The following SLC44A5 variants were observed in gnomAD, a reference collection of about 807,000 sequenced individuals.
SLC44A5 encodes choline transporter-like protein 5.
In SLC44A5, 57 loss-of-function variants were observed where a neutral mutation model predicts 101.8. The observed-to-expected ratio is 0.56, with a 90% CI of 0.45 to 0.70. The LOEUF is 0.70. Ranked by LOEUF, SLC44A5 falls within the 30% of genes least tolerant of loss-of-function variation. The probability of loss-of-function intolerance (pLI) is 0.00; values close to 1 mark genes in which losing one functional copy is unlikely to be tolerated. For missense variants in SLC44A5, 737 were observed against 853.1 expected (o/e 0.86, Z 1.70); for synonymous variants, 281 against 290.9 (o/e 0.97, Z 0.35).
intron 11 of SLC44A5, among the ~76,000 whole-genome samples, chr1:75,235,554 G>C (rs60198223): frequency 0.28 from 42,837 of 151,870 alleles, 6,357 homozygotes; most frequent in Middle Eastern, 0.36. Context: ...TACAATCTCT[G>C]CTGGAGATAA....
intron 2 of SLC44A5, among the ~76,000 whole-genome samples, chr1:75,415,734 G>A (rs540162935): frequency 1.1e-4 from 16 of 152,248 alleles, no homozygotes; most frequent in Admixed American, 3.3e-4. Context: ...GGCTGAAGTG[G>A]TCTCAGATGG....
At chr1:75,214,456 G>A (rs1646921287) in intron 20 of SLC44A5, 149 bp downstream of exon 20, 2 of 593,088 alleles carry the variant, frequency 3.4e-6, no homozygotes, top group South Asian at 6.0e-5. Context: ...TAAATTAATG[G>A]TATGAGAGAG....
intron 1 of SLC44A5, among the ~76,000 whole-genome samples, chr1:75,565,536 G>C (rs1440976987): frequency 6.6e-6 from 1 of 152,168 alleles, no homozygotes; most frequent in Non-Finnish European, 1.5e-5. Context: ...ATTCTGTAAA[G>C]GGGTCCTTGG....
At chr1:75,356,890 A>T (rs147093206) in intron 3 of SLC44A5, among the ~76,000 whole-genome samples, 11 of 152,326 alleles carry the variant, frequency 7.2e-5, no homozygotes, top group African/African-American at 2.6e-4. Flanking sequence ...CATGCTGTAC[A>T]GATTTGTAGC....
intron 5 of SLC44A5, among the ~76,000 whole-genome samples, chr1:75,278,909 T>A (rs1485265737): frequency 6.6e-6 from 1 of 152,146 alleles, no homozygotes; most frequent in Non-Finnish European, 1.5e-5. Flanking sequence ...TTACTTTATT[T>A]TATTTTATAT....
chr1:75,486,464 T>A (rs778005376), intron 2 of SLC44A5, among the ~76,000 whole-genome samples: 30 of 152,224 alleles, frequency 2.0e-4, no homozygotes, highest in Non-Finnish European at 3.8e-4. Flanking sequence ...CTATTAATTT[T>A]CCAAAATTCA....
At chr1:75,385,800 A>C (rs1261732621) in intron 3 of SLC44A5, among the ~76,000 whole-genome samples, 1 of 152,040 alleles carries the variant, frequency 6.6e-6, no homozygotes, top group Non-Finnish European at 1.5e-5. Flanking sequence ...ATTGATGCAA[A>C]AATCCTCAAT....
the SLC44A5 span, among the ~76,000 whole-genome samples, chr1:75,676,411 A>G: frequency 6.6e-6 from 1 of 152,222 alleles, no homozygotes; most frequent in African/African-American, 2.4e-5. Context: ...AGTGACATGG[A>G]TGGAGCTGGA....
intron 5 of SLC44A5, among the ~76,000 whole-genome samples, chr1:75,300,320 A>G (rs1318080755): frequency 6.6e-6 from 1 of 152,168 alleles, no homozygotes; most frequent in African/African-American, 2.4e-5. Context: ...TTAGTTGCTT[A>G]TTAGAATTTC....
the SLC44A5 span, among the ~76,000 whole-genome samples, chr1:75,701,935 G>A: frequency 6.6e-6 from 1 of 152,064 alleles, no homozygotes; most frequent in Non-Finnish European, 1.5e-5. Context: ...AAATACCTAG[G>A]AATCCAACCT....
In SLC44A5 at chr1:75,253,441, AAAAT is replaced by A. The variant is rs146790276; in HGVS notation, c.261-2151_261-2148del. ...CATTTTTAAAGGCAATGATATGAGA[AAAAT>A]AAACCCATTCTATGTTTGTATTCCA... is the stretch of plus-strand genomic sequence containing the variant. On this transcript the variant is annotated intron_variant, in intron 6 of 23. Transcript: ENST00000370859. Among the ~76,000 whole-genome samples, 836 of 152,316 alleles carry A rather than the reference AAAAT, an allele frequency of 5.5e-3. 12 individuals are homozygous for A. The highest frequency in any genetic ancestry group is 0.019 in the African/African-American group (808 of 41,542).
rs893992668 is a variant in SLC44A5 at position 75,533,342 on chromosome 1, C to T, written c.13+8093G>A. 4.6e-5 allele frequency among the ~76,000 whole-genome samples: 7 copies of T among 152,190 alleles called. No individual in the cohort carries two copies. In the East Asian group the frequency reaches 5.8e-4, roughly 13 times the overall value. On this transcript the variant is annotated intron_variant, in intron 2 of 23. Transcript: ENST00000370859. ...AAAAATTGGAGGAACGAGGCCCCAA[C>T]GGAAACAATAGAAAACCTTATCATT...
intron 1 of SLC44A5, among the ~76,000 whole-genome samples, chr1:75,606,955 C>T (rs901162629): frequency 2.4e-4 from 37 of 152,016 alleles, no homozygotes; most frequent in African/African-American, 8.7e-4. Flanking sequence ...GATCATTTCT[C>T]TCAATCTATA....
intron 2 of SLC44A5, among the ~76,000 whole-genome samples, chr1:75,509,050 G>A (rs189854223): frequency 6.6e-6 from 1 of 152,312 alleles, no homozygotes; most frequent in African/African-American, 2.4e-5. Context: ...TTTGGGTTAG[G>A]GGAATGGAAA....
At chr1:75,274,626 A>C (rs972373274) in intron 6 of SLC44A5, among the ~76,000 whole-genome samples, 4 of 152,168 alleles carry the variant, frequency 2.6e-5, no homozygotes, top group Admixed American at 2.0e-4. Flanking sequence ...GCAGCTACTC[A>C]TACCTCAGTC....
rs534282073 is a variant in SLC44A5, at chr1:75,473,574, C to T, written c.13+67861G>A. ...GCTAAAAACACTTATCTGCCCCACT[C>T]AAAATCCATTCACACATAGATGTTT... On this transcript the variant is annotated intron_variant, in intron 2 of 23. Coordinates refer to ENST00000370859, the MANE Select transcript of SLC44A5 (RefSeq NM_001130058.2). Among the ~76,000 whole-genome samples, 44 of 152,260 alleles carry T rather than the reference C, an allele frequency of 2.9e-4. No homozygotes were observed. In the South Asian group the frequency reaches 8.7e-3, roughly 30 times the overall value.
At chr1:75,255,629 G>T (rs1360503511) in intron 6 of SLC44A5, among the ~76,000 whole-genome samples, 1 of 152,030 alleles carries the variant, frequency 6.6e-6, no homozygotes, top group African/African-American at 2.4e-5. Flanking sequence ...AATAACAGAA[G>T]AAAATTGTCC....
At chr1:75,483,963 C>A (rs1296575217) in intron 2 of SLC44A5, among the ~76,000 whole-genome samples, 2 of 152,102 alleles carry the variant, frequency 1.3e-5, no homozygotes, top group Admixed American at 6.5e-5. Context: ...AACTCACTCA[C>A]TATCATGAGA....
At chr1:75,260,603 T>C (rs1194151659) in intron 6 of SLC44A5, among the ~76,000 whole-genome samples, 1 of 152,058 alleles carries the variant, frequency 6.6e-6, no homozygotes, top group East Asian at 1.9e-4. Context: ...CTGTCAATAG[T>C]AAACAGATCA....
Sources: gnomAD v4.1 joint callset for allele counts (sites outside exome capture counted in the v4.1 genomes callset) on GRCh38, gnomAD v4.1.1 for gene constraint, MANE v1.5 for transcripts, NCBI Gene and HGNC (gene_info 2026-07-23, HGNC 2026-07-21) for gene names.